The following CNGB3 variants were observed in gnomAD, a reference collection of about 807,000 sequenced individuals.
CNGB3 encodes the protein cyclic nucleotide gated channel subunit beta 3.
In CNGB3, 86 loss-of-function variants were observed where a neutral mutation model predicts 92.8. That is an observed-to-expected ratio of 0.93 (90% confidence interval 0.78 to 1.11). The LOEUF (loss-of-function observed/expected upper bound fraction) is 1.11, where lower values mean the gene tolerates loss of function less well. CNGB3 is among the 50% of genes least tolerant of loss of function. CNGB3 has a pLI of 0.00. For missense variants in CNGB3, 1,026 were observed against 956.8 expected, an observed-to-expected ratio of 1.07 and a Z score of -0.95; for synonymous variants, 333 against 332.7, an observed-to-expected ratio of 1.00 and a Z score of -0.01.
Position 86,611,485 on chromosome 8 carries a change from A to C in CNGB3, c.1662+103T>G, listed in dbSNP as rs28629931. On this transcript the variant is annotated intron_variant, in intron 14 of 17. Coordinates refer to ENST00000320005, the MANE Select transcript of CNGB3 (RefSeq NM_019098.5). ...TATCATAATTATTTCTATACTATGG[A>C]ATTCACCCTGAACAAATTTTGTTTA... 6.0e-3 allele frequency: 5,024 copies of C among 843,342 alleles called. 166 individuals are homozygous for C. In the African/African-American group the frequency reaches 0.073, roughly 12 times the overall value. The allele number at this position is 843,342 out of a possible 1,614,324, so 52.2% of individuals were successfully genotyped here.
chr8:86,607,351 G>A (rs1302824574), intron 14 of CNGB3, among the ~76,000 whole-genome samples: 2 of 152,156 alleles, frequency 1.3e-5, no homozygotes, highest in Admixed American at 6.5e-5. Context: ...GGTTGTTAGC[G>A]TGTGGACTAA....
At chr8:86,702,841 G>A (rs900978505) in intron 3 of CNGB3, among the ~76,000 whole-genome samples, 4 of 151,440 alleles carry the variant, frequency 2.6e-5, no homozygotes, top group African/African-American at 7.3e-5. Context: ...TATTTTCTCC[G>A]TTTTTCATGT....
chr8:86,697,837 T>C (rs1824478848), intron 3 of CNGB3, among the ~76,000 whole-genome samples: 1 of 131,938 alleles, frequency 7.6e-6, no homozygotes, highest in African/African-American at 2.9e-5. Flanking sequence ...TTCCCCACCC[T>C]GTGTCCTAGT....
intron 7 of CNGB3, among the ~76,000 whole-genome samples, chr8:86,648,884 T>A (rs1823343863): frequency 6.6e-6 from 1 of 151,434 alleles, no homozygotes; most frequent in East Asian, 1.9e-4. Flanking sequence ...GCTGATGATA[T>A]GATCGTATCC....
chr8:86,688,792 A>T lies in CNGB3; in HGVS notation c.339-17694T>A, dbSNP rs76984783. ...CATTTCATTGGTCTTTTTTTAAAAA[A>T]TTCTATTTCATTTATTTCTGCTCTG... is the stretch of plus-strand genomic sequence containing the variant. On this transcript the variant is annotated intron_variant, in intron 3 of 17. Coordinates refer to ENST00000320005, the MANE Select transcript of CNGB3 (RefSeq NM_019098.5). Among the ~76,000 whole-genome samples, 1,324 of 151,484 alleles carry T rather than the reference A, an allele frequency of 8.7e-3. 24 individuals are homozygous for T. The highest frequency in any genetic ancestry group is 0.031 in the African/African-American group (1,264 of 41,360).
At chr8:86,670,016 A>G (rs1823823934) in intron 4 of CNGB3, among the ~76,000 whole-genome samples, 1 of 151,762 alleles carries the variant, frequency 6.6e-6, no homozygotes, top group Non-Finnish European at 1.5e-5. Flanking sequence ...TGCCTTTCTG[A>G]TTTTTTGTAT....
At chr8:86,611,718 TA>T in intron 13 of CNGB3, 47 bp from the exon 14 acceptor site, 2 of 1,284,778 alleles carry the variant, frequency 1.6e-6, no homozygotes, top group Non-Finnish European at 2.3e-6. Context: ...TAAAGGCCAA[TA>T]TTCCAAATGA....
At chr8:86,708,337 T>G (rs13252425) in intron 3 of CNGB3, among the ~76,000 whole-genome samples, 97,323 of 151,756 alleles carry the variant, frequency 0.64, 32,364 homozygotes, top group African/African-American at 0.81. Flanking sequence ...TGTGCTCTGG[T>G]AAGCCAGATA....
chr8:86,623,353 T>C (rs1349179272), intron 13 of CNGB3, among the ~76,000 whole-genome samples: 1 of 152,182 alleles, frequency 6.6e-6, no homozygotes, highest in Non-Finnish European at 1.5e-5. Flanking sequence ...AATTTATAAA[T>C]AATAGAAATT....
chr8:86,733,949 C>T (rs553703777), intron 2 of CNGB3, among the ~76,000 whole-genome samples: 1 of 152,146 alleles, frequency 6.6e-6, no homozygotes, highest in East Asian at 1.9e-4. Context: ...CTCACTGTAA[C>T]CACAAACTCC....
intron 14 of CNGB3, among the ~76,000 whole-genome samples, chr8:86,607,615 G>C (rs1019339111): frequency 1.3e-5 from 2 of 152,122 alleles, no homozygotes; most frequent in East Asian, 3.8e-4. Flanking sequence ...TCTTACTGCA[G>C]AAATATGAAT....
intron 1 of CNGB3, among the ~76,000 whole-genome samples, chr8:86,740,748 A>C (rs1240488260): frequency 6.6e-6 from 1 of 152,184 alleles, no homozygotes; most frequent in Non-Finnish European, 1.5e-5. Flanking sequence ...TAAGCCTCAC[A>C]ATAACCATAT....
intron 13 of CNGB3, among the ~76,000 whole-genome samples, chr8:86,621,069 G>A (rs1164572733): frequency 6.6e-6 from 1 of 152,118 alleles, no homozygotes; most frequent in Non-Finnish European, 1.5e-5. Flanking sequence ...CTGATTTGGT[G>A]GAGTACCAAA....
intron 3 of CNGB3, among the ~76,000 whole-genome samples, chr8:86,685,776 TAGTC>T (rs553249545): frequency 1.9e-3 from 289 of 152,236 alleles, no homozygotes; most frequent in Non-Finnish European, 3.3e-3. Context: ...GAGCTTTAAA[TAGTC>T]AGTATTTTGA....
At chr8:86,718,124 A>G (rs1049843941) in intron 3 of CNGB3, among the ~76,000 whole-genome samples, 16 of 152,166 alleles carry the variant, frequency 1.1e-4, no homozygotes, top group African/African-American at 3.9e-4. Context: ...CAAGAAAAAA[A>G]ACAACCCCAA....
At chr8:86,703,070 C>A (rs909526651) in intron 3 of CNGB3, among the ~76,000 whole-genome samples, 1 of 152,046 alleles carries the variant, frequency 6.6e-6, no homozygotes, top group African/African-American at 2.4e-5. Context: ...CTTTCTTTTA[C>A]ATACAGTTTA....
intron 13 of CNGB3, among the ~76,000 whole-genome samples, chr8:86,618,351 GA>G (rs1191794267): frequency 6.6e-6 from 1 of 152,192 alleles, no homozygotes; most frequent in Non-Finnish European, 1.5e-5. Context: ...GCCACAGGAA[GA>G]ATCTGATTTT....
chr8:86,582,974 C>T (rs532317150), intron 15 of CNGB3, among the ~76,000 whole-genome samples: 4 of 83,720 alleles, frequency 4.8e-5, no homozygotes, highest in Admixed American at 1.2e-4. Context: ...TTGCTGTTGT[C>T]ACCCAGGCTG....
chr8:86,723,986 C>G (rs1330163161), intron 3 of CNGB3, among the ~76,000 whole-genome samples: 1 of 152,074 alleles, frequency 6.6e-6, no homozygotes, highest in Non-Finnish European at 1.5e-5. Context: ...ATTGAGCACA[C>G]AAGGACACGT....
Sources: allele counts gnomAD v4.1 joint callset (sites outside exome capture counted in the v4.1 genomes callset), GRCh38; gene constraint gnomAD v4.1.1; transcripts MANE v1.5; gene names NCBI Gene and HGNC (gene_info 2026-07-23, HGNC 2026-07-21).